The following ANTXR2 variants were observed in gnomAD, a reference collection of about 807,000 sequenced individuals.
ANTXR2 encodes the protein anthrax toxin receptor 2.
Under a neutral mutation model 73.7 loss-of-function variants are expected in ANTXR2, and 44 were observed. The ratio of observed to expected loss-of-function variants is 0.60; its 90% CI spans 0.47 to 0.77. The LOEUF is 0.77. Among genes scored for constraint, ANTXR2 ranks in the 30% least tolerant of loss-of-function variants. ANTXR2 has a pLI of 0.00. For synonymous variants in ANTXR2, 217 were observed against 205.9 expected (o/e 1.05, Z -0.46); for missense variants, 604 against 592.5 (o/e 1.02, Z -0.20).
intron 10 of ANTXR2, among the ~76,000 whole-genome samples, chr4:80,022,333 A>G (rs576668510): frequency 1.3e-5 from 2 of 152,350 alleles, no homozygotes; most frequent in Admixed American, 6.5e-5. Flanking sequence ...AAAATTTTTC[A>G]GAAAAGTTGC....
rs146877226 is a variant in ANTXR2, at chr4:80,026,419, G to A, written c.866+5204C>T. Among the ~76,000 whole-genome samples the A allele has an allele frequency of 4.6e-5, 7 of 152,104 alleles. No individual in the cohort carries two copies. The South Asian group carries it at 6.2e-4, about 14-fold the overall frequency. On this transcript the variant is annotated intron_variant, in intron 10 of 16. Coordinates refer to ENST00000403729, the MANE Select transcript of ANTXR2 (RefSeq NM_058172.6). ...TTTCCTTGATAAATTACCCAGTCTC[G>A]GCAGTTCTTTATAGCAGTGTGAGAA...
Position 80,069,593 on chromosome 4 carries a change from A to G in ANTXR2, c.225-86T>C, listed in dbSNP as rs1330219317. The G allele has an allele frequency of 3.3e-5, 36 of 1,090,418 alleles. No homozygotes were observed. In the Admixed American group the frequency reaches 8.5e-4, roughly 26 times the overall value. 67.5% of individuals were successfully genotyped at this position (1,090,418 alleles called of 1,614,324 possible). A position where few individuals can be genotyped will look rare whatever the true frequency, so the allele number is the denominator to read the frequency against. ...GATGTATAGTTAGGGAGGTTCATTTAAAATTGGTCTCACTGAATGGTCCAG... is the reference window on the plus strand; with the variant it reads ...GATGTATAGTTAGGGAGGTTCATTTGAAATTGGTCTCACTGAATGGTCCAG... On this transcript the variant is annotated intron_variant, in intron 2 of 16. Transcript: ENST00000403729.
intron 16 of ANTXR2, among the ~76,000 whole-genome samples, chr4:79,960,223 G>A (rs1263798081): frequency 6.6e-6 from 1 of 152,114 alleles, no homozygotes; most frequent in East Asian, 1.9e-4. Context: ...AATGGCTCTA[G>A]AAAACAAAAG....
intron 11 of ANTXR2, among the ~76,000 whole-genome samples, chr4:80,015,777 G>A (rs1043862743): frequency 7.0e-6 from 1 of 142,654 alleles, no homozygotes; most frequent in African/African-American, 2.5e-5. Context: ...AAGGACTAGG[G>A]AGAAGGAAGG....
At chr4:79,988,066 A>G (rs141739549) in intron 12 of ANTXR2, among the ~76,000 whole-genome samples, 60 of 151,916 alleles carry the variant, frequency 3.9e-4, no homozygotes, top group Middle Eastern at 3.4e-3. Flanking sequence ...AGTCTATATA[A>G]CAACTAGCTA....
intron 10 of ANTXR2, among the ~76,000 whole-genome samples, chr4:80,026,254 TA>T (rs1231416147): frequency 6.6e-6 from 1 of 152,138 alleles, no homozygotes; most frequent in Admixed American, 6.6e-5. Context: ...CTGATGGTTT[TA>T]AAAGTGGCCA....
intron 16 of ANTXR2, among the ~76,000 whole-genome samples, chr4:79,917,476 GT>G (rs1446276123): frequency 3.3e-5 from 5 of 152,146 alleles, no homozygotes; most frequent in Admixed American, 3.3e-4. Flanking sequence ...CAGAAAATCA[GT>G]TTGAAAGTGG....
At chr4:80,020,398 A>G (rs764302856) in intron 10 of ANTXR2, among the ~76,000 whole-genome samples, 49 of 152,254 alleles carry the variant, frequency 3.2e-4, no homozygotes, top group Middle Eastern at 3.4e-3. Flanking sequence ...AAAAAAGCAA[A>G]AACAAAAACA....
rs547785773 is a variant in ANTXR2, at chr4:80,063,855, A to T, written c.296+5581T>A. On this transcript the variant is annotated intron_variant, in intron 3 of 16. Transcript: ENST00000403729. Reference sequence around the variant, plus strand: ...AGATTGAATACAGTTTTTCACCATTATGTACAATGTTGCAGTATCCAATTT... The same window carrying T: ...AGATTGAATACAGTTTTTCACCATTTTGTACAATGTTGCAGTATCCAATTT... Among the ~76,000 whole-genome samples the T allele has an allele frequency of 2.4e-3, 360 of 152,228 alleles. 1 individual carries two copies. Among genetic ancestry groups the T allele is most frequent in the African/African-American group, 7.9e-3 (329 of 41,572 alleles).
intron 16 of ANTXR2, among the ~76,000 whole-genome samples, chr4:79,930,942 C>T (rs1367896693): frequency 6.6e-6 from 1 of 152,086 alleles, no homozygotes; most frequent in Non-Finnish European, 1.5e-5. Flanking sequence ...TTTTGCAATA[C>T]AATTTAAAAT....
chr4:80,051,834 C>T (rs977760838), intron 7 of ANTXR2, among the ~76,000 whole-genome samples: 1 of 151,506 alleles, frequency 6.6e-6, no homozygotes, highest in Non-Finnish European at 1.5e-5. Context: ...CTTTCTTAAT[C>T]TTTGCTATTA....
intron 10 of ANTXR2, among the ~76,000 whole-genome samples, chr4:80,027,127 C>CA (rs1213374945): frequency 1.3e-5 from 2 of 151,782 alleles, no homozygotes; most frequent in Non-Finnish European, 2.9e-5. Flanking sequence ...ATGATTTTTC[C>CA]AAAAAATAAA....
intron 3 of ANTXR2, among the ~76,000 whole-genome samples, chr4:80,066,349 G>A (rs1001607584): frequency 6.6e-6 from 1 of 152,098 alleles, no homozygotes; most frequent in East Asian, 1.9e-4. Context: ...GACAAAACTG[G>A]AACTCTAGCC....
At chr4:80,036,106 G>T in intron 7 of ANTXR2, 74 bp from the exon 8 acceptor site, 1 of 1,248,344 alleles carries the variant, frequency 8.0e-7, no homozygotes, top group Admixed American at 3.0e-5. Flanking sequence ...TATAAGATTA[G>T]TAATAACCTT....
At chr4:80,060,233 T>C (rs149032321) in intron 3 of ANTXR2, among the ~76,000 whole-genome samples, 1,567 of 152,194 alleles carry the variant, frequency 0.01, 23 homozygotes, top group Non-Finnish European at 0.013. Flanking sequence ...ACTGGAATCA[T>C]TTGAGGGGAT....
chr4:80,015,830 G>A (rs1007148577), intron 11 of ANTXR2, among the ~76,000 whole-genome samples: 3 of 140,072 alleles, frequency 2.1e-5, no homozygotes, highest in Non-Finnish European at 4.6e-5. Flanking sequence ...GGGAGGGAGG[G>A]AGGGAAGGAA....
chr4:79,959,534 G>C (rs367708456), intron 16 of ANTXR2, among the ~76,000 whole-genome samples: 2 of 152,082 alleles, frequency 1.3e-5, no homozygotes, highest in Non-Finnish European at 2.9e-5. Context: ...GCATATCACA[G>C]GGTAATTATG....
At chr4:79,910,178 T>C (rs1727067384) in intron 16 of ANTXR2, among the ~76,000 whole-genome samples, 1 of 152,118 alleles carries the variant, frequency 6.6e-6, no homozygotes, top group Non-Finnish European at 1.5e-5. Flanking sequence ...TATAAAGCAC[T>C]GAAAATAGTG....
At chr4:79,972,920 T>TAAAAAAAAAAAAAAAAAAAGAAAAAAAA (rs1729474287) in intron 16 of ANTXR2, among the ~76,000 whole-genome samples, 4 of 53,174 alleles carry the variant, frequency 7.5e-5, no homozygotes, top group African/African-American at 1.5e-4. Context: ...TAGAGTATAA[T>TAAAAAAAAAAAAAAAAAAAGAAAAAAAA]AAAAAAAAAA....
Sources: gnomAD v4.1 joint callset for allele counts (sites outside exome capture counted in the v4.1 genomes callset) on GRCh38, gnomAD v4.1.1 for gene constraint, MANE v1.5 for transcripts, NCBI Gene and HGNC (gene_info 2026-07-23, HGNC 2026-07-21) for gene names.